CSF2RA: variants seen among roughly 807,000 people sequenced by gnomAD.
CSF2RA encodes granulocyte-macrophage colony-stimulating factor receptor subunit alpha.
Under a neutral mutation model 51.6 loss-of-function variants are expected in CSF2RA, and 42 were observed. That is an observed-to-expected ratio of 0.81 (90% confidence interval 0.64 to 1.05). The LOEUF is 1.05. CSF2RA is among the 50% of genes least tolerant of loss of function. The pLI, the probability that CSF2RA is intolerant of heterozygous loss-of-function variation, is 0.00. For synonymous variants in CSF2RA, 222 were observed against 193.0 expected (o/e 1.15, Z -1.24); for missense variants, 530 against 501.1 (o/e 1.06, Z -0.55).
chrX:1,309,029 G>A (rs1315958723), intron 12 of CSF2RA, among the ~76,000 whole-genome samples: 5 of 152,086 alleles, frequency 3.3e-5, no homozygotes, highest in Admixed American at 1.3e-4. Flanking sequence ...AGGAGTTTGA[G>A]ACCAGCCTGG....
chrX:1,281,522 C>T (rs2090071485), intron 2 of CSF2RA, among the ~76,000 whole-genome samples: 1 of 150,662 alleles, frequency 6.6e-6, no homozygotes, highest in Admixed American at 6.7e-5. Flanking sequence ...TCTTCCTTCT[C>T]CTCCTCCTCC....
intron 9 of CSF2RA, among the ~76,000 whole-genome samples, chrX:1,299,117 C>T (rs1457493611): frequency 2.0e-5 from 3 of 152,162 alleles, no homozygotes; most frequent in Non-Finnish European, 4.4e-5. Context: ...TTGGCCTCAA[C>T]CTTCGTGTCC....
chrX:1,306,171 G>C (rs28580169), intron 12 of CSF2RA, among the ~76,000 whole-genome samples: 73,350 of 151,462 alleles, frequency 0.48, 17,786 homozygotes, highest in East Asian at 0.61. Context: ...GGAGGAGAGA[G>C]AGAGGAATGT....
the CSF2RA span, among the ~76,000 whole-genome samples, chrX:1,320,381 C>A: frequency 6.6e-6 from 1 of 152,170 alleles, no homozygotes; most frequent in East Asian, 1.9e-4. Context: ...ATTTACAACA[C>A]TCATCATTTT....
chrX:1,290,694 A>G (rs1219160154), intron 7 of CSF2RA, among the ~76,000 whole-genome samples, 185 bp downstream of exon 7: 2 of 152,000 alleles, frequency 1.3e-5, no homozygotes, highest in African/African-American at 4.8e-5. Context: ...GGGAAACCCC[A>G]TCTCTACTAA....
At chrX:1,299,605 C>T (rs73618049) in intron 9 of CSF2RA, among the ~76,000 whole-genome samples, 1,548 of 150,492 alleles carry the variant, frequency 0.01, 33 homozygotes, top group African/African-American at 0.035. Flanking sequence ...CACACCTGGC[C>T]AACAATTTCT....
At chrX:1,279,162 C>T (rs1268394556) in intron 2 of CSF2RA, among the ~76,000 whole-genome samples, 1 of 150,054 alleles carries the variant, frequency 6.7e-6, no homozygotes, top group Non-Finnish European at 1.5e-5. Context: ...ACCAGCCTGG[C>T]CAACATGGTG....
intron 12 of CSF2RA, among the ~76,000 whole-genome samples, chrX:1,307,623 C>T (rs2083752305): frequency 6.9e-6 from 1 of 145,446 alleles, no homozygotes; most frequent in African/African-American, 2.6e-5. Context: ...AGATGAGGCC[C>T]ACCCTCCCCT....
At chrX:1,303,800 G>C in intron 10 of CSF2RA, 123 bp from the exon 11 acceptor site, 2 of 888,318 alleles carry the variant, frequency 2.3e-6, no homozygotes, top group Non-Finnish European at 3.9e-6. Flanking sequence ...AGGTTTGCTG[G>C]GCCCAGTTCT....
At chrX:1,308,476 A>G (rs1442050689) in intron 12 of CSF2RA, among the ~76,000 whole-genome samples, 1 of 151,768 alleles carries the variant, frequency 6.6e-6, no homozygotes, top group African/African-American at 2.4e-5. Flanking sequence ...AGGGTGAGAG[A>G]CTTGCGTGAC....
the CSF2RA span, among the ~76,000 whole-genome samples, chrX:1,315,949 T>C: frequency 8.7e-6 from 1 of 114,548 alleles, no homozygotes; most frequent in African/African-American, 3.0e-5. Flanking sequence ...TAATAAATGA[T>C]AGATGATAGA....
downstream of CSF2RA, among the ~76,000 whole-genome samples, chrX:1,313,501 A>G (rs2084273402): frequency 6.7e-6 from 1 of 148,766 alleles, no homozygotes; most frequent in African/African-American, 2.5e-5. Context: ...ATTTGAGGTC[A>G]GAGTTCAAAA....
intron 1 of CSF2RA, among the ~76,000 whole-genome samples, chrX:1,269,987 T>C (rs1401982128): frequency 1.3e-5 from 2 of 151,802 alleles, no homozygotes; most frequent in African/African-American, 2.4e-5. Flanking sequence ...TGTGTGCCTG[T>C]AATCCCAGCT....
rs1220736562 is a variant in CSF2RA at position 1,285,102 on chromosome X, GTTGCCCA to G, written c.77-675_77-669del. Among the ~76,000 whole-genome samples, 451 of 152,050 alleles carry G rather than the reference GTTGCCCA, an allele frequency of 3.0e-3. 1 individual carries two copies. Among genetic ancestry groups the G allele is most frequent in the African/African-American group, 9.5e-3 (395 of 41,482 alleles). On this transcript the variant is annotated intron_variant, in intron 3 of 12. Transcript: ENST00000381529. Reference sequence around the variant, plus strand: ...TTTTAAAGAGATGCGATCTTGCTATGTTGCCCAGGCGGGATCTGAACCTACTGGGCTC... The same window carrying G: ...TTTTAAAGAGATGCGATCTTGCTATGGGCGGGATCTGAACCTACTGGGCTC...
downstream of CSF2RA, among the ~76,000 whole-genome samples, chrX:1,314,896 A>ACCCCTCTGTG (rs1569515097): frequency 1.6e-5 from 1 of 60,970 alleles, no homozygotes; most frequent in African/African-American, 6.5e-5. Context: ...ACCACACTGA[A>ACCCCTCTGTG]CCTGCTCAAC....
rs1348356819 is a variant in CSF2RA at position 1,303,913 on chromosome X, G to C, written c.947-10G>C. ...ATTCACCGCAGACGCAAACCTGTGT[G>C]TCTCTCCAGGTTCTGACGACGGGAA... On this transcript the variant is annotated splice_polypyrimidine_tract_variant and intron_variant, in intron 10 of 12. Transcript: ENST00000381529. 6.2e-7 allele frequency: 1 copy of C among 1,604,510 alleles called. No homozygotes were observed. The highest frequency in any genetic ancestry group is 1.7e-5 in the Admixed American group (1 of 59,938).
chrX:1,313,150 C>T (rs372020621), downstream of CSF2RA, among the ~76,000 whole-genome samples: 2 of 152,060 alleles, frequency 1.3e-5, no homozygotes, highest in African/African-American at 2.4e-5. Flanking sequence ...AGAGGCCGGG[C>T]GTGGTAGCCA....
intron 2 of CSF2RA, among the ~76,000 whole-genome samples, chrX:1,275,409 A>G (rs2148070763): frequency 6.6e-6 from 1 of 152,072 alleles, no homozygotes; most frequent in African/African-American, 2.4e-5. Flanking sequence ...CAAAATATTT[A>G]AAGAGATTTA....
chrX:1,279,983 T>G (rs2089686121), intron 2 of CSF2RA, among the ~76,000 whole-genome samples: 1 of 151,300 alleles, frequency 6.6e-6, no homozygotes, highest in Non-Finnish European at 1.5e-5. Flanking sequence ...ATAGATGAGG[T>G]TTCACCGTAT....
Sources: gnomAD v4.1 joint callset for allele counts (sites outside exome capture counted in the v4.1 genomes callset) on GRCh38, gnomAD v4.1.1 for gene constraint, MANE v1.5 for transcripts, NCBI Gene and HGNC (gene_info 2026-07-23, HGNC 2026-07-21) for gene names.